The following NRG3 variants were observed in gnomAD, a reference collection of about 807,000 sequenced individuals.
NRG3 encodes pro-neuregulin-3, membrane-bound isoform.
A neutral mutation model predicts 66.9 loss-of-function variants in NRG3; 31 were observed. The observed-to-expected ratio is 0.46, with a 90% CI of 0.35 to 0.63. NRG3 has a LOEUF of 0.63. NRG3 is among the 20% of genes least tolerant of loss of function. The pLI, the probability that NRG3 is intolerant of heterozygous loss-of-function variation, is 0.00. For missense variants in NRG3, 910 were observed against 878.9 expected, an observed-to-expected ratio of 1.04 and a Z score of -0.45; for synonymous variants, 393 against 359.4, an observed-to-expected ratio of 1.09 and a Z score of -1.06.
At chr10:82,884,763 C>G (rs1008579292) in intron 4 of NRG3, among the ~76,000 whole-genome samples, 2 of 152,176 alleles carry the variant, frequency 1.3e-5, no homozygotes, top group Non-Finnish European at 1.5e-5. Context: ...ACTGCAAAGA[C>G]ATGAATGATG....
chr10:82,383,412 A>G (rs1338026561), intron 2 of NRG3, among the ~76,000 whole-genome samples: 3 of 134,896 alleles, frequency 2.2e-5, no homozygotes, highest in African/African-American at 1.0e-4. Context: ...TAAACAATTT[A>G]TGTTTTTCCT....
At chr10:82,659,098 G>A (rs967912895) in intron 2 of NRG3, among the ~76,000 whole-genome samples, 2 of 152,110 alleles carry the variant, frequency 1.3e-5, no homozygotes, top group Non-Finnish European at 2.9e-5. Context: ...TTGAAATCTG[G>A]GAGTGGATTT....
chr10:82,980,363 T>C (rs978825963), intron 8 of NRG3, among the ~76,000 whole-genome samples: 138 of 152,306 alleles, frequency 9.1e-4, no homozygotes, highest in African/African-American at 3.2e-3. Context: ...GTAATTGTTA[T>C]AATTTTTTCA....
chr10:81,990,917 T>C (rs963069723), intron 1 of NRG3, among the ~76,000 whole-genome samples: 4 of 152,186 alleles, frequency 2.6e-5, no homozygotes, highest in Non-Finnish European at 4.4e-5. Context: ...CATATTAAAC[T>C]CTTGCTTTGC....
At chr10:82,742,467 G>C (rs2058466444) in intron 3 of NRG3, among the ~76,000 whole-genome samples, 1 of 152,042 alleles carries the variant, frequency 6.6e-6, no homozygotes, top group African/African-American at 2.4e-5. Flanking sequence ...CTTATAAAGT[G>C]TGTCAGTGAC....
At chr10:82,521,707 AT>A (rs1225738995) in intron 2 of NRG3, among the ~76,000 whole-genome samples, 2 of 152,148 alleles carry the variant, frequency 1.3e-5, no homozygotes, top group Non-Finnish European at 2.9e-5. Flanking sequence ...TTCGTGAAAG[AT>A]TTCTCTGTAG....
In NRG3 at chr10:82,985,579, CAA is replaced by C. The variant is rs754054528; in HGVS notation, c.2067_2068del (p.Asp691LeufsTer8). ...GCAATTTGTCTTAAGAAATGAAATA[CAA>C]AGAGACTCTGCATTGACCAAGTGAC... ...EAQFVLRNEI[Q>X]RDSALTK On this transcript the variant is annotated frameshift_variant, in exon 9 of 9. Coordinates refer to ENST00000372141, the MANE Select transcript of NRG3 (RefSeq NM_001010848.4). LOFTEE classifies it high-confidence loss of function. 25 of 1,612,788 alleles carry C rather than the reference CAA, an allele frequency of 1.6e-5. No individual in the cohort carries two copies. The highest frequency in any genetic ancestry group is 3.3e-4 in the Middle Eastern group (2 of 6,078).
Position 82,254,573 on chromosome 10 carries a change from G to A in NRG3, c.824-104166G>A, listed in dbSNP as rs569424871. 2.0e-5 allele frequency among the ~76,000 whole-genome samples: 3 copies of A among 152,132 alleles called. No individual in the cohort carries two copies. The South Asian group carries it at 6.2e-4, about 32-fold the overall frequency. ...AGAGATGGATGATTCTAGGGTTAAAGCAAGAAATATATATTTACCTATATG... is the reference window on the plus strand; with the variant it reads ...AGAGATGGATGATTCTAGGGTTAAAACAAGAAATATATATTTACCTATATG... On this transcript the variant is annotated intron_variant, in intron 1 of 8. Transcript: ENST00000372141.
At chr10:82,267,710 C>T (rs1007956465) in intron 1 of NRG3, among the ~76,000 whole-genome samples, 11 of 152,132 alleles carry the variant, frequency 7.2e-5, no homozygotes, top group African/African-American at 2.7e-4. Context: ...TTAATTAGTT[C>T]TGTGCTGGAT....
chr10:81,979,187 CAAAA>C (rs34468792), intron 1 of NRG3, among the ~76,000 whole-genome samples: 8,369 of 81,910 alleles, frequency 0.1, 258 homozygotes, highest in East Asian at 0.23. Flanking sequence ...GACTCCGTCT[CAAAA>C]AAAAAAAAAA....
In NRG3 at chr10:82,902,715, A is replaced by G. The variant is rs193264339; in HGVS notation, c.1054+37278A>G. Among the ~76,000 whole-genome samples, 22 of 152,240 alleles carry G rather than the reference A, an allele frequency of 1.4e-4. No homozygotes were observed. In the East Asian group the frequency reaches 2.5e-3, roughly 17 times the overall value. ...ATTATTATATGTATTATATATGTGTATATACATATCTGTATACACATGTAT... is the reference window on the plus strand; with the variant it reads ...ATTATTATATGTATTATATATGTGTGTATACATATCTGTATACACATGTAT... On this transcript the variant is annotated intron_variant, in intron 4 of 8. Coordinates refer to ENST00000372141, the MANE Select transcript of NRG3 (RefSeq NM_001010848.4).
chr10:82,486,661 C>T (rs1366011398), intron 2 of NRG3, among the ~76,000 whole-genome samples: 12 of 152,308 alleles, frequency 7.9e-5, no homozygotes, highest in Admixed American at 6.5e-4. Flanking sequence ...ATCTGCCCAC[C>T]TCAGCCTCCC....
intron 1 of NRG3, among the ~76,000 whole-genome samples, chr10:82,011,904 T>G (rs2061593539): frequency 6.6e-6 from 1 of 152,138 alleles, no homozygotes; most frequent in Non-Finnish European, 1.5e-5. Context: ...TGTCTGTGTC[T>G]TTTCCAGATG....
At chr10:82,702,382 T>C (rs1455912331) in intron 2 of NRG3, among the ~76,000 whole-genome samples, 1 of 152,204 alleles carries the variant, frequency 6.6e-6, no homozygotes, top group Non-Finnish European at 1.5e-5. Flanking sequence ...CAATTTAAAA[T>C]TTGGAACAAC....
rs557417744 is a variant in NRG3 at position 81,890,434 on chromosome 10, G to T, written c.823+14271G>T. ...TTTTATTTGAGCACTGATATAAAAA[G>T]AAATATTAAAAAGCAAGCAGAGTAA... On this transcript the variant is annotated intron_variant, in intron 1 of 8. Transcript: ENST00000372141. 6.2e-4 allele frequency among the ~76,000 whole-genome samples: 94 copies of T among 152,148 alleles called. 2 individuals carry two copies. Among genetic ancestry groups the T allele is most frequent in the South Asian group, 6.2e-4 (3 of 4,838 alleles).
chr10:82,504,872 C>CT (rs113956199), intron 2 of NRG3, among the ~76,000 whole-genome samples: 37 of 147,488 alleles, frequency 2.5e-4, no homozygotes, highest in African/African-American at 4.0e-4. Context: ...CTTTTTTTTA[C>CT]TTTTTTTTTT....
At chr10:82,817,623 C>G (rs1239167014) in intron 3 of NRG3, among the ~76,000 whole-genome samples, 3 of 152,044 alleles carry the variant, frequency 2.0e-5, no homozygotes, top group Admixed American at 6.6e-5. Context: ...GTGTATGCCC[C>G]AAAACACCGA....
intron 2 of NRG3, among the ~76,000 whole-genome samples, chr10:82,718,938 C>T (rs2057133652): frequency 6.6e-6 from 1 of 152,096 alleles, no homozygotes; most frequent in African/African-American, 2.4e-5. Flanking sequence ...CCCCCAGAAA[C>T]CTTTATATAA....
intron 1 of NRG3, among the ~76,000 whole-genome samples, chr10:82,062,884 A>C (rs936335986): frequency 6.6e-6 from 1 of 152,168 alleles, no homozygotes; most frequent in Non-Finnish European, 1.5e-5. Flanking sequence ...TGCTAGAGCT[A>C]CTGAATCTGT....
Sources: gnomAD v4.1 joint callset for allele counts (sites outside exome capture counted in the v4.1 genomes callset) on GRCh38, gnomAD v4.1.1 for gene constraint, MANE v1.5 for transcripts, NCBI Gene and HGNC (gene_info 2026-07-23, HGNC 2026-07-21) for gene names.